SPDYA: variants seen among roughly 807,000 people sequenced by gnomAD.
SPDYA encodes the protein speedy protein A.
In SPDYA, 11 loss-of-function variants were observed where a neutral mutation model predicts 36.7. The observed-to-expected ratio is 0.30, with a 90% confidence interval of 0.19 to 0.50. The LOEUF (loss-of-function observed/expected upper bound fraction) is 0.50. Among genes scored for constraint, SPDYA ranks in the 20% least tolerant of loss-of-function variants. The pLI is 0.98. For synonymous variants in SPDYA, 115 were observed against 118.7 expected (o/e 0.97, Z 0.20); for missense variants, 287 against 370.9 (o/e 0.77, Z 1.86).
Position 28,811,618 on chromosome 2 carries a change from G to A in SPDYA, c.-93+671G>A, listed in dbSNP as rs1032741989. ...GGGCGAATCCTTGAGGCCAGGATTC[G>A]AGAGCAGCCCACAGCGAAAACCCCG... On this transcript the variant is annotated intron_variant, in intron 1 of 7. Coordinates refer to ENST00000334056, the MANE Select transcript of SPDYA (RefSeq NM_182756.4). This position sits in a 1 kb window ranked among gnomAD's most constrained non-coding sequence, Gnocchi z 4.2. 6.6e-5 allele frequency among the ~76,000 whole-genome samples: 10 copies of A among 151,726 alleles called. No individual in the cohort carries two copies. The highest frequency in any genetic ancestry group is 3.3e-4 in the Admixed American group (5 of 15,220).
intron 6 of SPDYA, among the ~76,000 whole-genome samples, chr2:28,838,178 ATTTTT>A (rs61135451): frequency 2.8e-4 from 32 of 115,530 alleles, no homozygotes; most frequent in Admixed American, 3.8e-4. Flanking sequence ...GAAGTAACGG[ATTTTT>A]TTTTTTTTTT....
chr2:28,817,851 CAAAAAAAAAAAAAAA>C (rs70956049), intron 3 of SPDYA, among the ~76,000 whole-genome samples: 3 of 30,694 alleles, frequency 9.8e-5, no homozygotes, highest in East Asian at 2.3e-3. Context: ...GACTCTGTCT[CAAAAAAAAAAAAAAA>C]AAAAAAAAAA....
At chr2:28,815,571 T>C (rs1667964798) in intron 2 of SPDYA, among the ~76,000 whole-genome samples, 1 of 152,026 alleles carries the variant, frequency 6.6e-6, no homozygotes, top group South Asian at 2.1e-4. Flanking sequence ...CTGGAAATAG[T>C]TGTCCTTGTT....
Position 28,850,274 on chromosome 2 carries a change from T to C in SPDYA, c.*333T>C. On this transcript the variant is annotated 3_prime_UTR_variant, in exon 8 of 8. Coordinates refer to ENST00000334056, the MANE Select transcript of SPDYA (RefSeq NM_182756.4). ...TAAGAGAAGAAAAACATAAAGTCAT[T>C]ATATTAATTAAAAGAAAAAACACCA... 6.2e-7 allele frequency: 1 copy of C among 1,603,842 alleles called. No homozygotes were observed. The highest frequency in any genetic ancestry group is 8.5e-7 in the Non-Finnish European group (1 of 1,173,672).
At chr2:28,822,984 A>C (rs896596276) in intron 5 of SPDYA, among the ~76,000 whole-genome samples, 2 of 151,690 alleles carry the variant, frequency 1.3e-5, no homozygotes, top group African/African-American at 4.8e-5. Context: ...AAATTATCCC[A>C]AATTCTCCTC....
At chr2:28,832,333 T>C (rs1194645826) in intron 6 of SPDYA, among the ~76,000 whole-genome samples, 2 of 152,210 alleles carry the variant, frequency 1.3e-5, no homozygotes, top group African/African-American at 4.8e-5. Context: ...GTTTTGAGGA[T>C]ACCAGGTTTT....
At chr2:28,845,470 A>C (rs1161844907) in intron 7 of SPDYA, among the ~76,000 whole-genome samples, 1 of 152,140 alleles carries the variant, frequency 6.6e-6, no homozygotes, top group Non-Finnish European at 1.5e-5. Flanking sequence ...TAAGTCAAAA[A>C]GTCTCGATAT....
chr2:28,850,477 T>C lies in SPDYA; in HGVS notation c.*536T>C, dbSNP rs969055794. The C allele has an allele frequency of 1.0e-6, 1 of 994,528 alleles. No homozygotes were observed. Among genetic ancestry groups the C allele is most frequent in the African/African-American group, 1.7e-5 (1 of 60,320 alleles). The allele number at this position is 994,528 out of a possible 1,614,324, so 61.6% of individuals were successfully genotyped here. A position where few individuals can be genotyped will look rare whatever the true frequency, so the allele number is the denominator to read the frequency against. The stretch of plus-strand genomic sequence containing the variant: ...TATTTTTTTCACAAAACTGTTAAAA[T>C]ATGAGTTACTCTCTTTATTGTAAGT... On this transcript the variant is annotated 3_prime_UTR_variant, in exon 8 of 8. Transcript: ENST00000334056.
intron 7 of SPDYA, among the ~76,000 whole-genome samples, chr2:28,846,289 T>A (rs1401538695): frequency 1.3e-5 from 2 of 152,228 alleles, no homozygotes; most frequent in African/African-American, 4.8e-5. Flanking sequence ...ATGCCTGTAA[T>A]TCCAGCTACT....
chr2:28,830,437 T>C (rs1668454240), intron 6 of SPDYA, among the ~76,000 whole-genome samples: 1 of 152,012 alleles, frequency 6.6e-6, no homozygotes. Flanking sequence ...TCTCCTGACC[T>C]TGTGATCCGC....
rs925580063 is a variant in SPDYA at position 28,811,341 on chromosome 2, C to A, written c.-93+394C>A. The stretch of plus-strand genomic sequence containing the variant: ...GCAGGCGCTCCCGTCTCCACGTGTG[C>A]CTGCCGCCTTTATTGTGGGAGGAAT... On this transcript the variant is annotated intron_variant, in intron 1 of 7. Transcript: ENST00000334056. The surrounding 1 kb of genome is among the most constrained non-coding windows in gnomAD (Gnocchi z 4.2). Among the ~76,000 whole-genome samples the A allele has an allele frequency of 3.9e-5, 6 of 152,206 alleles. No individual in the cohort carries two copies. In the East Asian group the frequency reaches 5.8e-4, roughly 15 times the overall value.
Position 28,829,305 on chromosome 2 carries a change from C to A in SPDYA, c.538C>A (p.Arg180=). ...TGACTATAGGGCTATTGTAAGCAGG[C>A]GATGTTGTGAGGAGGTAAGAATTTT... ...RIDYRAIVSR[R]CCEEVMAIAP... Residue 180 remains arginine (R), a synonymous_variant, in exon 6 of 8, where the codon CGA becomes AGA. Coordinates refer to ENST00000334056, the MANE Select transcript of SPDYA (RefSeq NM_182756.4). 3 of 1,608,266 alleles carry A rather than the reference C, an allele frequency of 1.9e-6. No homozygotes were observed. Among genetic ancestry groups the A allele is most frequent in the Non-Finnish European group, 2.5e-6 (3 of 1,178,642 alleles).
chr2:28,846,249 A>G (rs1047670459), intron 7 of SPDYA, among the ~76,000 whole-genome samples: 1 of 152,090 alleles, frequency 6.6e-6, no homozygotes, highest in African/African-American at 2.4e-5. Flanking sequence ...TACTAAAAAT[A>G]GAAAAATTAG....
chr2:28,849,619 T>C (rs1424743355), intron 7 of SPDYA, among the ~76,000 whole-genome samples: 1 of 152,242 alleles, frequency 6.6e-6, no homozygotes, highest in East Asian at 1.9e-4. Flanking sequence ...ATAATTCTAA[T>C]GTTCTTTCAA....
chr2:28,819,036 C>T lies in SPDYA; in HGVS notation c.236-12C>T. The T allele has an allele frequency of 3.1e-6, 5 of 1,602,052 alleles. No individual in the cohort carries two copies. Among genetic ancestry groups the T allele is most frequent in the Non-Finnish European group, 4.3e-6 (5 of 1,171,922 alleles). On this transcript the variant is annotated splice_polypyrimidine_tract_variant and intron_variant, in intron 3 of 7. Coordinates refer to ENST00000334056, the MANE Select transcript of SPDYA (RefSeq NM_182756.4). ...TTTTTAAAAGACAAGTTATAGCTAT[C>T]TTTTGTTGTAGATGACGATTTAATT...
chr2:28,823,948 C>G (rs62131974), intron 5 of SPDYA, among the ~76,000 whole-genome samples: 22 of 148,168 alleles, frequency 1.5e-4, no homozygotes, highest in Non-Finnish European at 2.1e-4. Flanking sequence ...GGTTTTACCA[C>G]GTTGGCCAGG....
chr2:28,846,337 G>A (rs1668874160), intron 7 of SPDYA, among the ~76,000 whole-genome samples: 1 of 152,150 alleles, frequency 6.6e-6, no homozygotes, highest in African/African-American at 2.4e-5. Flanking sequence ...GAACCTGGGA[G>A]GTGGAGGTTG....
chr2:28,829,961 A>AAG (rs1668439186), intron 6 of SPDYA, among the ~76,000 whole-genome samples: 1 of 46,954 alleles, frequency 2.1e-5, no homozygotes, highest in African/African-American at 7.0e-5. Flanking sequence ...AAAAAAAAAG[A>AAG]AAAGAAAAGA....
intron 7 of SPDYA, among the ~76,000 whole-genome samples, chr2:28,841,778 G>A (rs530495324): frequency 6.6e-6 from 1 of 152,042 alleles, no homozygotes; most frequent in Admixed American, 6.6e-5. Flanking sequence ...AACACCTTCA[G>A]GCATATTTTT....
Sources: allele counts gnomAD v4.1 joint callset (sites outside exome capture counted in the v4.1 genomes callset), GRCh38; gene constraint gnomAD v4.1.1; non-coding constraint Gnocchi (gnomAD v3.1); transcripts MANE v1.5; gene names NCBI Gene and HGNC (gene_info 2026-07-23, HGNC 2026-07-21).